The following ESYT2 variants were observed in gnomAD, a reference collection of about 807,000 sequenced individuals.
ESYT2 encodes the protein extended synaptotagmin-2.
In ESYT2, 54 loss-of-function variants were observed where a neutral mutation model predicts 107.2. That is an observed-to-expected ratio of 0.50 (90% CI 0.40 to 0.63). The LOEUF is 0.63. Among genes scored for constraint, ESYT2 ranks in the 30% least tolerant of loss-of-function variants. ESYT2 has a pLI of 0.00. For synonymous variants in ESYT2, 491 were observed against 434.1 expected (o/e 1.13, Z -1.63); for missense variants, 1,020 against 1,094.5 (o/e 0.93, Z 0.96).
At chr7:158,766,510 A>C (rs1477185560) in intron 8 of ESYT2, among the ~76,000 whole-genome samples, 1 of 152,208 alleles carries the variant, frequency 6.6e-6, no homozygotes, top group African/African-American at 2.4e-5. Flanking sequence ...CATCACATTA[A>C]AGCTGTTGAA....
intron 18 of ESYT2, 54 bp downstream of exon 18, chr7:158,741,469 G>T (rs1324580562): frequency 1.4e-5 from 19 of 1,387,068 alleles, no homozygotes; most frequent in African/African-American, 2.1e-5. Flanking sequence ...CCCCAGCGTG[G>T]GGTGGGGGGC....
intron 4 of ESYT2, among the ~76,000 whole-genome samples, chr7:158,790,228 A>G (rs1324083272): frequency 2.0e-5 from 3 of 152,216 alleles, no homozygotes; most frequent in Non-Finnish European, 4.4e-5. Flanking sequence ...GTAACTTGGT[A>G]CCAACTTTGT....
At chr7:158,749,820 T>G in intron 14 of ESYT2, 97 bp from the exon 15 acceptor site, 1 of 1,067,730 alleles carries the variant, frequency 9.4e-7, no homozygotes. Flanking sequence ...AGTAGTCATT[T>G]TTATTTATCT....
In ESYT2 at chr7:158,798,069, T is replaced by C; in HGVS notation, c.380A>G (p.Lys127Arg). 6.2e-7 allele frequency: 1 copy of C among 1,614,130 alleles called. No homozygotes were observed. Among genetic ancestry groups the C allele is most frequent in the Non-Finnish European group, 8.5e-7 (1 of 1,180,022 alleles). ...ERAEWLNKTV[K>R]HMWPFICQFI... is the part of the protein sequence containing the mutation. Reference sequence around the variant, plus strand: ...TTGGCAAATGAAAGGCCACATGTGTTTTACAGTCTGGAAAGGAAAAAGAAC... The same window carrying C: ...TTGGCAAATGAAAGGCCACATGTGTCTTACAGTCTGGAAAGGAAAAAGAAC... Residue 127 changes from lysine to arginine, a missense_variant, in exon 3 of 23, where the codon AAA becomes AGA. Transcript: ENST00000275418.
chr7:158,741,481 C>G (rs1275870179), intron 18 of ESYT2, 42 bp downstream of exon 18: 1 of 1,514,298 alleles, frequency 6.6e-7, no homozygotes, highest in Admixed American at 2.1e-5. Context: ...GTGGGGGGCG[C>G]TTGCTCTGCT....
chr7:158,739,169 C>T (rs528863132), intron 18 of ESYT2, 48 bp from the exon 19 acceptor site: 19 of 1,522,744 alleles, frequency 1.2e-5, no homozygotes, highest in South Asian at 6.7e-5. Context: ...GACTGGAGAA[C>T]GTTGTGATTC....
chr7:158,793,605 T>C (rs1259004735), intron 4 of ESYT2, 45 bp downstream of exon 4: 1 of 1,397,932 alleles, frequency 7.2e-7, no homozygotes, highest in Admixed American at 1.7e-5. Context: ...TAAGTGACAT[T>C]ACACGCCATT....
chr7:158,807,586 T>C (rs710423), intron 1 of ESYT2, among the ~76,000 whole-genome samples: 112,702 of 152,084 alleles, frequency 0.74, 43,462 homozygotes, highest in Non-Finnish European at 0.83. Context: ...CACTGGATGT[T>C]CGATACCAAG....
In ESYT2 at chr7:158,741,518, G is replaced by A. The variant is rs759600331; in HGVS notation, c.2168+5C>T. The A allele has an allele frequency of 1.9e-6, 3 of 1,562,852 alleles. No homozygotes were observed. The highest frequency in any genetic ancestry group is 2.6e-6 in the Non-Finnish European group (3 of 1,161,644). ...GTGAGAAACAACATGGTGGCACTTA[G>A]TTACTTTTCCAGCTGCCTCAGCCTT... On this transcript the variant is annotated splice_donor_5th_base_variant and intron_variant, in intron 18 of 22. Coordinates refer to ENST00000275418, the MANE Select transcript of ESYT2 (RefSeq NM_001367773.1).
At chr7:158,797,452 T>C (rs1223674797) in intron 3 of ESYT2, among the ~76,000 whole-genome samples, 1 of 151,804 alleles carries the variant, frequency 6.6e-6, no homozygotes, top group Non-Finnish European at 1.5e-5. Context: ...AAAAAACATA[T>C]ACCCAGCTAG....
chr7:158,828,668 G>C (rs536936024), intron 1 of ESYT2, among the ~76,000 whole-genome samples: 2 of 152,210 alleles, frequency 1.3e-5, no homozygotes, highest in Admixed American at 1.3e-4. Flanking sequence ...CGGAGGGAGG[G>C]CACGGAGCAC....
chr7:158,809,569 A>G (rs1211129141), intron 1 of ESYT2, among the ~76,000 whole-genome samples: 1 of 152,138 alleles, frequency 6.6e-6, no homozygotes, highest in Non-Finnish European at 1.5e-5. Context: ...ATGGCCAAGA[A>G]GCACATGAAA....
chr7:158,780,888 G>A (rs1376040835), intron 6 of ESYT2, among the ~76,000 whole-genome samples: 6 of 152,230 alleles, frequency 3.9e-5, no homozygotes, highest in East Asian at 3.8e-4. Context: ...CTGTAATGAC[G>A]GAGGGAGCAA....
chr7:158,828,275 G>GT (rs1184787513), intron 1 of ESYT2, among the ~76,000 whole-genome samples: 2 of 152,214 alleles, frequency 1.3e-5, no homozygotes, highest in Admixed American at 1.3e-4. Context: ...CTGTCATTAC[G>GT]TTTTTTAAAA....
At chr7:158,753,920 A>G (rs1587391643) in intron 13 of ESYT2, among the ~76,000 whole-genome samples, 2 of 152,150 alleles carry the variant, frequency 1.3e-5, no homozygotes, top group Non-Finnish European at 2.9e-5. Context: ...CCTGAAGCTC[A>G]CTTTTGGATA....
Position 158,829,450 on chromosome 7 carries a change from G to A in ESYT2, c.-32C>T, listed in dbSNP as rs1249553326. On this transcript the variant is annotated 5_prime_UTR_variant, in exon 1 of 23. Coordinates refer to ENST00000275418, the MANE Select transcript of ESYT2 (RefSeq NM_001367773.1). ...GCAGTGCCGCGCTGCCCTCCCGGCC[G>A]AGGCGGGCTGGGTGCTCGCGCTGAT... 4 of 1,194,336 alleles carry A rather than the reference G, an allele frequency of 3.3e-6. No individual in the cohort carries two copies. The East Asian group carries it at 1.5e-4, about 44-fold the overall frequency. 74.0% of individuals were successfully genotyped at this position (1,194,336 alleles called of 1,614,324 possible).
At position 158,733,865 on chromosome 7, in the gene ESYT2, T is replaced by C. The variant is rs1225814060; in HGVS notation, c.*342A>G. ...GATTATAAAAAATAGTCTATTTACA[T>C]GGCATAGTATACCTCAGTGATATAT... On this transcript the variant is annotated 3_prime_UTR_variant, in exon 23 of 23. Coordinates refer to ENST00000275418, the MANE Select transcript of ESYT2 (RefSeq NM_001367773.1). 1 of 186,528 alleles carries C rather than the reference T, an allele frequency of 5.4e-6. No homozygotes were observed. The highest frequency in any genetic ancestry group is 1.1e-5 in the Non-Finnish European group (1 of 90,122). 11.6% of individuals were successfully genotyped at this position (186,528 alleles called of 1,614,324 possible).
intron 1 of ESYT2, among the ~76,000 whole-genome samples, chr7:158,819,881 TAAAG>T (rs761788491): frequency 2.0e-4 from 30 of 152,302 alleles, no homozygotes; most frequent in Middle Eastern, 3.4e-3. Context: ...TTACAAGTAA[TAAAG>T]AAAGCATAAT....
chr7:158,782,518 T>G (rs536755867), intron 6 of ESYT2, among the ~76,000 whole-genome samples: 1 of 113,854 alleles, frequency 8.8e-6, no homozygotes, highest in African/African-American at 3.3e-5. Context: ...CAAGTGTGAG[T>G]GGAATAGCGA....
Sources: allele counts gnomAD v4.1 joint callset (sites outside exome capture counted in the v4.1 genomes callset), GRCh38; gene constraint gnomAD v4.1.1; transcripts MANE v1.5; gene names NCBI Gene and HGNC (gene_info 2026-07-23, HGNC 2026-07-21).